SNX29: variants seen among roughly 807,000 people sequenced by gnomAD.
The protein encoded by SNX29 is sorting nexin-29.
SNX29 carries 78 observed loss-of-function variants against 102.1 expected under a neutral mutation model. That is an observed-to-expected ratio of 0.76 (90% CI 0.64 to 0.92). The LOEUF (loss-of-function observed/expected upper bound fraction) is 0.92, where lower values mean the gene tolerates loss of function less well. Ranked by LOEUF, SNX29 falls within the 40% of genes least tolerant of loss-of-function variation. SNX29 has a pLI of 0.00. For synonymous variants in SNX29, 580 were observed against 414.5 expected (o/e 1.40, Z -4.85); for missense variants, 1,280 against 1,061.7 (o/e 1.21, Z -2.86).
chr16:12,164,021 A>T (rs148633131), intron 13 of SNX29, among the ~76,000 whole-genome samples: 1 of 152,306 alleles, frequency 6.6e-6, no homozygotes, highest in Non-Finnish European at 1.5e-5. Flanking sequence ...CAAAGGACCT[A>T]TGGAGTGGGA....
At chr16:12,129,253 G>C (rs748148644) in intron 12 of SNX29, among the ~76,000 whole-genome samples, 6 of 152,146 alleles carry the variant, frequency 3.9e-5, no homozygotes, top group Non-Finnish European at 7.3e-5. Context: ...TTAAATCTCT[G>C]ACCTGGTGTA....
At chr16:12,282,063 G>A (rs150027386) in intron 15 of SNX29, among the ~76,000 whole-genome samples, 1,483 of 116,044 alleles carry the variant, frequency 0.013, 13 homozygotes, top group Middle Eastern at 0.029. Context: ...CAACCTGGGC[G>A]ACAGAGTGAG....
At chr16:12,256,063 A>G (rs533447042) in intron 14 of SNX29, among the ~76,000 whole-genome samples, 6 of 152,202 alleles carry the variant, frequency 3.9e-5, no homozygotes. Context: ...TATAACAGCC[A>G]TCTTAACAGG....
chr16:12,047,651 C>CTTTT (rs376623418), intron 6 of SNX29, among the ~76,000 whole-genome samples: 6 of 126,614 alleles, frequency 4.7e-5, no homozygotes, highest in East Asian at 5.5e-4. Context: ...GGACCAAGGT[C>CTTTT]TTTTTTTTTT....
rs957010608 is a variant in SNX29, at chr16:12,572,689, C to T, written c.*4060C>T. Reference sequence around the variant, plus strand: ...CAGCACCCACACGGGGGAAGCCCTGCACTCCAGCAGCATCTTCCAGCCTTG... The same window carrying T: ...CAGCACCCACACGGGGGAAGCCCTGTACTCCAGCAGCATCTTCCAGCCTTG... On this transcript the variant is annotated 3_prime_UTR_variant, in exon 21 of 21. Transcript: ENST00000566228. 2 of 1,063,638 alleles carry T rather than the reference C, an allele frequency of 1.9e-6. No homozygotes were observed. Among genetic ancestry groups the T allele is most frequent in the Admixed American group, 5.4e-5 (1 of 18,668 alleles). The allele number at this position is 1,063,638 out of a possible 1,614,324, so 65.9% of individuals were successfully genotyped here. A position where few individuals can be genotyped will look rare whatever the true frequency, so the allele number is the denominator to read the frequency against.
intron 20 of SNX29, among the ~76,000 whole-genome samples, chr16:12,555,966 G>C (rs759069492): frequency 1.3e-5 from 2 of 150,844 alleles, no homozygotes; most frequent in South Asian, 2.1e-4. Context: ...AACACCATCT[G>C]CGTGGCTTTC....
At chr16:12,134,034 G>A (rs781596391) in intron 13 of SNX29, among the ~76,000 whole-genome samples, 13 of 152,174 alleles carry the variant, frequency 8.5e-5, no homozygotes, top group Non-Finnish European at 1.9e-4. Flanking sequence ...AGTTCCTGAG[G>A]CAGAGGCATA....
intron 11 of SNX29, among the ~76,000 whole-genome samples, chr16:12,084,444 G>C (rs1489545354): frequency 6.6e-6 from 1 of 152,246 alleles, no homozygotes; most frequent in Non-Finnish European, 1.5e-5. Context: ...AGTAAAGACA[G>C]TTTGGAGCAA....
At chr16:12,394,291 A>T (rs2083642964) in intron 16 of SNX29, among the ~76,000 whole-genome samples, 2 of 152,224 alleles carry the variant, frequency 1.3e-5, no homozygotes, top group African/African-American at 4.8e-5. Flanking sequence ...TCTTCTGGGC[A>T]TCCCAGAGGC....
At chr16:12,476,001 A>T (rs1281595317) in intron 18 of SNX29, among the ~76,000 whole-genome samples, 1 of 152,132 alleles carries the variant, frequency 6.6e-6, no homozygotes, top group Non-Finnish European at 1.5e-5. Context: ...AGAATATATC[A>T]TAAGCAGGTA....
intron 16 of SNX29, among the ~76,000 whole-genome samples, chr16:12,397,141 C>T (rs573773337): frequency 1.3e-4 from 20 of 152,360 alleles, no homozygotes; most frequent in African/African-American, 4.8e-4. Context: ...AATCTGCCCA[C>T]CTTGACCTCC....
chr16:12,536,955 G>T (rs141583067), intron 20 of SNX29, among the ~76,000 whole-genome samples: 4 of 152,024 alleles, frequency 2.6e-5, no homozygotes, highest in African/African-American at 4.8e-5. Flanking sequence ...CAGCCTAGGC[G>T]ACAGAGTGAG....
intron 19 of SNX29, among the ~76,000 whole-genome samples, chr16:12,485,185 C>G (rs781525260): frequency 2.8e-4 from 43 of 152,174 alleles, no homozygotes; most frequent in Non-Finnish European, 4.7e-4. Flanking sequence ...GGGCATGAGG[C>G]CAAGCAGGCT....
At chr16:12,476,893 T>C (rs2087680102) in intron 18 of SNX29, among the ~76,000 whole-genome samples, 1 of 152,196 alleles carries the variant, frequency 6.6e-6, no homozygotes, top group Non-Finnish European at 1.5e-5. Flanking sequence ...TTTAAAGATG[T>C]GTATTGACAC....
chr16:12,239,280 T>A (rs916389702), intron 14 of SNX29, among the ~76,000 whole-genome samples: 1 of 152,214 alleles, frequency 6.6e-6, no homozygotes, highest in East Asian at 1.9e-4. Context: ...GTACCTGACA[T>A]GTATTAGAGG....
rs147618832 is a variant in SNX29, at chr16:12,048,583, C to G, written c.711C>G (p.Thr237=). ...VSILIKPEQE[T]DPLPVVSRNV... Reference sequence around the variant, plus strand: ...TCCTCATCAAACCTGAACAGGAGACCGACCCCTTGCCTGTCGTGTCCAGGA... The same window carrying G: ...TCCTCATCAAACCTGAACAGGAGACGGACCCCTTGCCTGTCGTGTCCAGGA... Residue 237 remains threonine (T), a synonymous_variant, in exon 7 of 21, where the codon ACC becomes ACG. Transcript: ENST00000566228. 1.2e-6 allele frequency: 2 copies of G among 1,613,850 alleles called. No individual in the cohort carries two copies. Among genetic ancestry groups the G allele is most frequent in the Non-Finnish European group, 1.7e-6 (2 of 1,179,860 alleles).
Position 12,571,210 on chromosome 16 carries a change from G to A in SNX29, c.*2581G>A, listed in dbSNP as rs1283707250. On this transcript the variant is annotated 3_prime_UTR_variant, in exon 21 of 21. Coordinates refer to ENST00000566228, the MANE Select transcript of SNX29 (RefSeq NM_032167.5). ...ATGAACTTCAGGCAACAAACAACTG[G>A]CAGGGTTCCCAGTTCCTGGAGTTAT... is the stretch of plus-strand genomic sequence containing the variant. 4.3e-6 allele frequency: 1 copy of A among 232,274 alleles called. No homozygotes were observed. Among genetic ancestry groups the A allele is most frequent in the Non-Finnish European group, 8.5e-6 (1 of 117,416 alleles). The allele number at this position is 232,274 out of a possible 1,614,324, so 14.4% of individuals were successfully genotyped here. A position where few individuals can be genotyped will look rare whatever the true frequency, so the allele number is the denominator to read the frequency against.
At chr16:12,265,919 C>G (rs923094274) in intron 14 of SNX29, among the ~76,000 whole-genome samples, 4 of 151,926 alleles carry the variant, frequency 2.6e-5, no homozygotes, top group Non-Finnish European at 5.9e-5. Context: ...ATCTTTGACA[C>G]TTGGCATGAG....
intron 20 of SNX29, among the ~76,000 whole-genome samples, chr16:12,544,903 C>T (rs2077517533): frequency 6.6e-6 from 1 of 152,186 alleles, no homozygotes; most frequent in East Asian, 1.9e-4. Context: ...GGCCAGTAAT[C>T]AATAGTCATT....
Sources: allele counts gnomAD v4.1 joint callset (sites outside exome capture counted in the v4.1 genomes callset), GRCh38; gene constraint gnomAD v4.1.1; transcripts MANE v1.5; gene names NCBI Gene and HGNC (gene_info 2026-07-23, HGNC 2026-07-21).